The following AGGF1 variants were observed in gnomAD, a reference collection of about 807,000 sequenced individuals.
AGGF1 encodes the protein angiogenic factor with G patch and FHA domains 1.
A neutral mutation model predicts 86.5 loss-of-function variants in AGGF1; 56 were observed. The observed-to-expected ratio is 0.65, with a 90% CI of 0.52 to 0.81. The LOEUF is 0.81. AGGF1 is among the 30% of genes least tolerant of loss of function. AGGF1 has a pLI of 0.00. For missense variants in AGGF1, 816 were observed against 850.9 expected, an observed-to-expected ratio of 0.96 and a Z score of 0.51; for synonymous variants, 313 against 297.1, an observed-to-expected ratio of 1.05 and a Z score of -0.55.
rs1357204301 is a variant in AGGF1, at chr5:77,046,387, A to C, written c.911A>C (p.His304Pro). ...GATCAAAAAGCCTTCAGTGTTGAAC[A>C]TACAAGCTGCAATGAGGAAGAAAAT... ...SEDQKAFSVEHTSCNEEENFA... is the reference protein window; with the variant it reads ...SEDQKAFSVEPTSCNEEENFA... The change falls in exon 6 of 14, where the codon CAT becomes CCT. Residue 304 changes from histidine (H) to proline (P), a missense_variant. This residue lies in a region of AGGF1 where 565 missense variants were observed against 585.8 expected (regional missense o/e 0.96). Coordinates refer to ENST00000312916, the MANE Select transcript of AGGF1 (RefSeq NM_018046.5). 6.2e-7 allele frequency: 1 copy of C among 1,613,918 alleles called. No homozygotes were observed. The highest frequency in any genetic ancestry group is 1.3e-5 in the African/African-American group (1 of 75,040).
intron 5 of AGGF1, among the ~76,000 whole-genome samples, chr5:77,043,719 C>T (rs1446178652): frequency 0.021 from 2,879 of 136,258 alleles, 97 homozygotes; most frequent in African/African-American, 0.074. Flanking sequence ...GGCTGCCGGG[C>T]GGAGACGCTC....
In AGGF1 at chr5:77,039,642, A is replaced by G. The variant is rs754920189; in HGVS notation, c.793A>G (p.Ser265Gly). ...RVDLQPYPTSSTKQSKDKKLK... is the reference protein window; with the variant it reads ...RVDLQPYPTSGTKQSKDKKLK... ...AGATTTGCAACCTTATCCGACTTCT[A>G]GCACAAAACAAAGTAAAGATAAAAA... Residue 265 changes from serine (S) to glycine (G), a missense_variant, in exon 5 of 14, where the codon AGC (serine) becomes GGC (glycine). Ser to Gly is a moderately conservative substitution (Grantham distance 56). Transcript: ENST00000312916. The G allele has an allele frequency of 4.3e-6, 7 of 1,613,092 alleles. No individual in the cohort carries two copies. Among genetic ancestry groups the G allele is most frequent in the Non-Finnish European group, 4.2e-6 (5 of 1,179,554 alleles).
intron 13 of AGGF1, among the ~76,000 whole-genome samples, 159 bp downstream of exon 13, chr5:77,061,961 A>C (rs1428101859): frequency 6.6e-6 from 1 of 152,152 alleles, no homozygotes; most frequent in Non-Finnish European, 1.5e-5. Flanking sequence ...AAATATATAC[A>C]TGTGCTTTGT....
In AGGF1 at chr5:77,055,742, CAT is replaced by C; in HGVS notation, c.1716+148_1716+149del. 8.5e-6 allele frequency: 5 copies of C among 590,804 alleles called. No individual in the cohort carries two copies. The South Asian group carries it at 1.2e-4, about 14-fold the overall frequency. 36.6% of individuals were successfully genotyped at this position (590,804 alleles called of 1,614,324 possible). ...TGTATTAGTTTACTGTTCTGGTATT[CAT>C]AACCTAAAAACTATTGAAGTTGGAG... On this transcript the variant is annotated intron_variant, in intron 11 of 13. Transcript: ENST00000312916.
Position 77,041,797 on chromosome 5 carries a change from ATTTATTT to A in AGGF1, c.870+2079_870+2085del, listed in dbSNP as rs150037024. ...AGACAAGAACTTTTTTTATTTATTT[ATTTATTT>A]ATTTATTTATTTTTAATTTATTTTT... On this transcript the variant is annotated intron_variant, in intron 5 of 13. Coordinates refer to ENST00000312916, the MANE Select transcript of AGGF1 (RefSeq NM_018046.5). Among the ~76,000 whole-genome samples the A allele has an allele frequency of 2.0e-4, 26 of 127,118 alleles. 1 individual carries two copies. Among genetic ancestry groups the A allele is most frequent in the African/African-American group, 5.5e-4 (17 of 30,674 alleles). The allele number at this position is 127,118 out of a possible 152,430, so 83.4% of individuals were successfully genotyped here. A position where few individuals can be genotyped will look rare whatever the true frequency, so the allele number is the denominator to read the frequency against.
Position 77,030,442 on chromosome 5 carries a change from C to T in AGGF1, c.-325C>T, listed in dbSNP as rs954759725. ...GCTCAACTGGGGAGCTGCTGGAGCTCTTCTGGCCTCTGGTTTTCCGACTGC... is the reference window on the plus strand; with the variant it reads ...GCTCAACTGGGGAGCTGCTGGAGCTTTTCTGGCCTCTGGTTTTCCGACTGC... On this transcript the variant is annotated 5_prime_UTR_variant, in exon 1 of 14. Coordinates refer to ENST00000312916, the MANE Select transcript of AGGF1 (RefSeq NM_018046.5). 8 of 542,182 alleles carry T rather than the reference C, an allele frequency of 1.5e-5. No homozygotes were observed. The highest frequency in any genetic ancestry group is 7.5e-5 in the African/African-American group (4 of 53,082). 33.6% of individuals were successfully genotyped at this position (542,182 alleles called of 1,614,324 possible).
At chr5:77,062,922 G>A (rs1747587092) in intron 13 of AGGF1, 130 bp from the exon 14 acceptor site, 2 of 846,276 alleles carry the variant, frequency 2.4e-6, no homozygotes, top group African/African-American at 1.7e-5. Context: ...TGTATTTGAT[G>A]CATCTGACAG....
At chr5:77,043,577 C>CG (rs1747178721) in intron 5 of AGGF1, among the ~76,000 whole-genome samples, 5 of 95,504 alleles carry the variant, frequency 5.2e-5, no homozygotes, top group African/African-American at 7.7e-5. Context: ...GCTGGCCAGG[C>CG]GGGGGGCTGA....
intron 11 of AGGF1, among the ~76,000 whole-genome samples, chr5:77,056,601 A>G (rs921098934): frequency 9.9e-5 from 15 of 151,954 alleles, no homozygotes; most frequent in African/African-American, 3.6e-4. Context: ...ACAGACAAAA[A>G]GAATGTTGAT....
chr5:77,056,822 AC>A (rs1426283848), intron 11 of AGGF1, among the ~76,000 whole-genome samples: 8 of 152,230 alleles, frequency 5.3e-5, no homozygotes, highest in African/African-American at 1.9e-4. Context: ...GAATGAAAAG[AC>A]AAGCCACAGC....
chr5:77,052,617 G>C (rs981032618), intron 8 of AGGF1, 89 bp from the exon 9 acceptor site: 41 of 861,268 alleles, frequency 4.8e-5, no homozygotes, highest in Non-Finnish European at 7.0e-5. Flanking sequence ...ATTATCAAAG[G>C]CTCAAGTTAA....
At chr5:77,043,725 C>T (rs1454227773) in intron 5 of AGGF1, among the ~76,000 whole-genome samples, 3 of 134,570 alleles carry the variant, frequency 2.2e-5, no homozygotes, top group East Asian at 4.7e-4. Context: ...CGGGCGGAGA[C>T]GCTCCTCACT....
At chr5:77,037,029 A>T (rs920475817) in intron 4 of AGGF1, among the ~76,000 whole-genome samples, 2 of 152,248 alleles carry the variant, frequency 1.3e-5, no homozygotes, top group Non-Finnish European at 2.9e-5. Context: ...TTAAACCCTA[A>T]GCCGAAGTAA....
chr5:77,048,178 C>A lies in AGGF1; in HGVS notation c.1219C>A (p.Pro407Thr). ...SEDEDEDKIW[P>T]PCIRVIVIRS... Reference sequence around the variant, plus strand: ...CTTGGCAGATGAAGACAAAATTTGGCCCCCATGTATTAGAGTAATTGTCAT... The same window carrying A: ...CTTGGCAGATGAAGACAAAATTTGGACCCCATGTATTAGAGTAATTGTCAT... Residue 407 changes from proline to threonine, a missense_variant, in exon 7 of 14, where the codon CCC (proline) becomes ACC (threonine). Pro to Thr is a conservative substitution (Grantham distance 38). This residue lies in a region of AGGF1 where 565 missense variants were observed against 585.8 expected (regional missense o/e 0.96). Coordinates refer to ENST00000312916, the MANE Select transcript of AGGF1 (RefSeq NM_018046.5). 6.2e-7 allele frequency: 1 copy of A among 1,612,238 alleles called. No homozygotes were observed. The highest frequency in any genetic ancestry group is 8.5e-7 in the Non-Finnish European group (1 of 1,178,726).
rs978892651 is a variant in AGGF1, at chr5:77,030,729, G to C, written c.-38G>C. On this transcript the variant is annotated 5_prime_UTR_variant, in exon 1 of 14. Transcript: ENST00000312916. ...CGGCGTCCGTTTCGGCCTGAACGCAGCCCCTCCGCGGCGACGAGCAGTCTC... is the reference window on the plus strand; with the variant it reads ...CGGCGTCCGTTTCGGCCTGAACGCACCCCCTCCGCGGCGACGAGCAGTCTC... 13 of 1,545,508 alleles carry C rather than the reference G, an allele frequency of 8.4e-6. No individual in the cohort carries two copies. The highest frequency in any genetic ancestry group is 2.1e-4 in the Middle Eastern group (1 of 4,822).
At chr5:77,053,291 A>G (rs1448154788) in intron 9 of AGGF1, among the ~76,000 whole-genome samples, 4 of 152,128 alleles carry the variant, frequency 2.6e-5, no homozygotes, top group Non-Finnish European at 5.9e-5. Flanking sequence ...GCCCGAGGCC[A>G]GTGGATCATC....
At chr5:77,056,226 CTTTTTTTT>C (rs770417117) in intron 11 of AGGF1, among the ~76,000 whole-genome samples, 4 of 104,520 alleles carry the variant, frequency 3.8e-5, no homozygotes, top group African/African-American at 1.5e-4. Flanking sequence ...AAAGAGTGGT[CTTTTTTTT>C]TTTTTTTTTT....
chr5:77,039,651 CAAAGT>C lies in AGGF1; in HGVS notation c.807_811del (p.Ser269ArgfsTer2), dbSNP rs756440407. 5.0e-6 allele frequency: 8 copies of C among 1,611,990 alleles called. No homozygotes were observed. The highest frequency in any genetic ancestry group is 2.2e-5 in the East Asian group (1 of 44,740). On this transcript the variant is annotated frameshift_variant, in exon 5 of 14. Transcript: ENST00000312916. LOFTEE classifies it high-confidence loss of function. Reference sequence around the variant, plus strand: ...ACCTTATCCGACTTCTAGCACAAAACAAAGTAAAGATAAAAAATTGAAGAAGAAAA... The same window carrying C: ...ACCTTATCCGACTTCTAGCACAAAACAAAGATAAAAAATTGAAGAAGAAAA...
At chr5:77,035,811 G>C (rs754063910) in intron 3 of AGGF1, 68 bp downstream of exon 3, 5 of 1,388,844 alleles carry the variant, frequency 3.6e-6, no homozygotes, top group Non-Finnish European at 5.1e-6. Flanking sequence ...TTATTATGTG[G>C]AAAGATAGAC....
Sources: allele counts gnomAD v4.1 joint callset (sites outside exome capture counted in the v4.1 genomes callset), GRCh38; gene constraint gnomAD v4.1.1; regional missense constraint gnomAD v4.1.1; transcripts MANE v1.5; gene names NCBI Gene and HGNC (gene_info 2026-07-23, HGNC 2026-07-21).